Variants in ACSL3 observed in about 807,000 individuals in gnomAD.
ACSL3 encodes fatty acid CoA ligase Acsl3.
A neutral mutation model predicts 84.7 loss-of-function variants in ACSL3; 34 were observed. The observed-to-expected ratio is 0.40, with a 90% CI of 0.31 to 0.53. ACSL3 has a LOEUF of 0.53. ACSL3 is among the 20% of genes least tolerant of loss of function. The pLI is 0.48. For synonymous variants in ACSL3, 315 were observed against 299.4 expected (o/e 1.05, Z -0.54); for missense variants, 680 against 873.1 (o/e 0.78, Z 2.79).
chr2:222,933,526 A>G lies in ACSL3; in HGVS notation c.1847+246A>G, dbSNP rs77688784. On this transcript the variant is annotated intron_variant, in intron 15 of 16. Coordinates refer to ENST00000357430, the MANE Select transcript of ACSL3 (RefSeq NM_004457.5). The stretch of plus-strand genomic sequence containing the variant: ...TGCAGTGTCCCATGGAGGGAGGTGA[A>G]GAAAATAAAACCTTCCTTCCTGCTG... 0.014 allele frequency: 4,483 copies of G among 319,880 alleles called. 173 individuals are homozygous for G. Among genetic ancestry groups the G allele is most frequent in the African/African-American group, 0.083 (3,883 of 46,938 alleles). The allele number at this position is 319,880 out of a possible 1,614,324, so 19.8% of individuals were successfully genotyped here. A position where few individuals can be genotyped will look rare whatever the true frequency, so the allele number is the denominator to read the frequency against.
At chr2:222,915,530 G>A (rs1218326915) in intron 4 of ACSL3, among the ~76,000 whole-genome samples, 1 of 149,668 alleles carries the variant, frequency 6.7e-6, no homozygotes, top group African/African-American at 2.4e-5. Flanking sequence ...TTTTTATACA[G>A]TCCGTATGTA....
In ACSL3 at chr2:222,910,375, G is replaced by T. The variant is rs187604596; in HGVS notation, c.378+1225G>T. Among the ~76,000 whole-genome samples the T allele has an allele frequency of 2.0e-5, 3 of 152,266 alleles. No homozygotes were observed. In the East Asian group the frequency reaches 5.8e-4, roughly 29 times the overall value. Reference sequence around the variant, plus strand: ...GGTTGATAATTTGGTTAGGTAATAGGTTTAATATCTTTTAACCATTTCCAG... The same window carrying T: ...GGTTGATAATTTGGTTAGGTAATAGTTTTAATATCTTTTAACCATTTCCAG... On this transcript the variant is annotated intron_variant, in intron 4 of 16. Transcript: ENST00000357430.
chr2:222,866,473 T>G (rs1336711053), intron 1 of ACSL3, among the ~76,000 whole-genome samples: 1 of 152,134 alleles, frequency 6.6e-6, no homozygotes, highest in Non-Finnish European at 1.5e-5. Flanking sequence ...TCATTCTAAT[T>G]TTTACAGCTG....
chr2:222,929,960 T>C (rs1253984841), intron 13 of ACSL3, among the ~76,000 whole-genome samples: 1 of 142,220 alleles, frequency 7.0e-6, no homozygotes, highest in Non-Finnish European at 1.5e-5. Flanking sequence ...GGAGTTTTGC[T>C]CTTGTTGCCC....
rs1008891072 is a variant in ACSL3, at chr2:222,904,645, C to G, written c.-41+3865C>G. On this transcript the variant is annotated intron_variant, in intron 3 of 16. Transcript: ENST00000357430. ...AAGTTGTTTTTTTCTGTGGTTCATT[C>G]CCATGCCTGAGATTTGCAGTAATGT... The G allele has an allele frequency of 3.9e-5, 6 of 153,618 alleles. No individual in the cohort carries two copies. In the Admixed American group the frequency reaches 3.9e-4, roughly 10 times the overall value. 9.5% of individuals were successfully genotyped at this position (153,618 alleles called of 1,614,324 possible). A position where few individuals can be genotyped will look rare whatever the true frequency, so the allele number is the denominator to read the frequency against.
Position 222,921,382 on chromosome 2 carries a change from A to G in ACSL3, c.908A>G (p.Asn303Ser), listed in dbSNP as rs1696730417. The G allele has an allele frequency of 1.4e-5, 23 of 1,599,500 alleles. No individual in the cohort carries two copies. Among genetic ancestry groups the G allele is most frequent in the Non-Finnish European group, 2.0e-5 (23 of 1,167,914 alleles). ...AAGGGAGTCATGATCTCACATAGTAACATTATTGCTGGTATAACTGGGATG... is the reference window on the plus strand; with the variant it reads ...AAGGGAGTCATGATCTCACATAGTAGCATTATTGCTGGTATAACTGGGATG... ...LPKGVMISHS[N>S]IIAGITGMAE... Residue 303 changes from asparagine to serine, a missense_variant, in exon 8 of 17, where the codon AAC becomes AGC. Around this residue, in one of 2 missense-constraint regions of ACSL3, gnomAD observed 347 missense variants for 525.7 expected, o/e 0.66. Transcript: ENST00000357430.
intron 1 of ACSL3, among the ~76,000 whole-genome samples, chr2:222,872,738 C>T (rs371038202): frequency 3.9e-5 from 6 of 152,014 alleles, no homozygotes; most frequent in African/African-American, 1.4e-4. Flanking sequence ...AGAGGCTTCT[C>T]TGAGGAAGTG....
intron 6 of ACSL3, 145 bp from the exon 7 acceptor site, chr2:222,918,919 G>A: frequency 1.2e-6 from 1 of 864,184 alleles, no homozygotes. Flanking sequence ...TCTGTAAAAA[G>A]TGATATTATG....
intron 10 of ACSL3, 27 bp downstream of exon 10, chr2:222,923,176 G>C: frequency 1.3e-6 from 2 of 1,547,064 alleles, no homozygotes; most frequent in Non-Finnish European, 1.8e-6. Flanking sequence ...ATTTAATATT[G>C]AGTATTAAAG....
intron 4 of ACSL3, among the ~76,000 whole-genome samples, chr2:222,911,912 G>A (rs1696449352): frequency 6.6e-6 from 1 of 152,178 alleles, no homozygotes; most frequent in South Asian, 2.1e-4. Context: ...CTGTTTTTTA[G>A]CAACTTTTTC....
At position 222,916,272 on chromosome 2, in the gene ACSL3, AATT is replaced by A. The variant is rs777206706; in HGVS notation, c.379-40_379-38del. On this transcript the variant is annotated intron_variant, in intron 4 of 16. Coordinates refer to ENST00000357430, the MANE Select transcript of ACSL3 (RefSeq NM_004457.5). The stretch of plus-strand genomic sequence containing the variant: ...GGACGATATTCTGGTTTCTTCTGTA[AATT>A]ATTATTTTGATTACATTAAAAAAAT... The A allele has an allele frequency of 6.2e-5, 78 of 1,259,576 alleles. No individual in the cohort carries two copies. The African/African-American group carries it at 7.2e-4, about 12-fold the overall frequency. 78.0% of individuals were successfully genotyped at this position (1,259,576 alleles called of 1,614,324 possible).
At chr2:222,936,928 C>G (rs1299832312) in intron 16 of ACSL3, among the ~76,000 whole-genome samples, 1 of 152,062 alleles carries the variant, frequency 6.6e-6, no homozygotes, top group Non-Finnish European at 1.5e-5. Context: ...GTCTCACTCA[C>G]CATCACGAGA....
At chr2:222,914,667 C>T (rs1696529996) in intron 4 of ACSL3, among the ~76,000 whole-genome samples, 1 of 152,052 alleles carries the variant, frequency 6.6e-6, no homozygotes, top group Non-Finnish European at 1.5e-5. Context: ...TGTTGAGGTC[C>T]TAGATTTAAT....
At chr2:222,905,314 C>G (rs1696265273) in intron 3 of ACSL3, among the ~76,000 whole-genome samples, 1 of 152,034 alleles carries the variant, frequency 6.6e-6, no homozygotes, top group African/African-American at 2.4e-5. Context: ...GTGTGCACCA[C>G]CACACCCTGC....
At chr2:222,934,269 T>C (rs1308517621) in intron 15 of ACSL3, among the ~76,000 whole-genome samples, 1 of 152,240 alleles carries the variant, frequency 6.6e-6, no homozygotes, top group Non-Finnish European at 1.5e-5. Flanking sequence ...GCAGTATTCA[T>C]AACAGTTTTT....
In ACSL3 at chr2:222,941,858, A is replaced by G. The variant is rs1473253580; in HGVS notation, c.*204A>G. 5 of 508,584 alleles carry G rather than the reference A, an allele frequency of 9.8e-6. No homozygotes were observed. Among genetic ancestry groups the G allele is most frequent in the African/African-American group, 3.9e-5 (2 of 51,132 alleles). The allele number at this position is 508,584 out of a possible 1,614,324, so 31.5% of individuals were successfully genotyped here. A position where few individuals can be genotyped will look rare whatever the true frequency, so the allele number is the denominator to read the frequency against. On this transcript the variant is annotated 3_prime_UTR_variant, in exon 17 of 17. Transcript: ENST00000357430. ...TGTCTCTTCTTTCATTTTCCCCGCCACCAACTTACTTTACCACCTATGACT... is the reference window on the plus strand; with the variant it reads ...TGTCTCTTCTTTCATTTTCCCCGCCGCCAACTTACTTTACCACCTATGACT...
chr2:222,900,905 A>C (rs891401445), intron 3 of ACSL3, 125 bp downstream of exon 3: 4 of 152,212 alleles, frequency 2.6e-5, no homozygotes, highest in Non-Finnish European at 4.4e-5. Context: ...ATGCAAACTA[A>C]GTTCTTTTCA....
At position 222,919,095 on chromosome 2, in the gene ACSL3, A is replaced by G; in HGVS notation, c.698A>G (p.His233Arg). Reference sequence around the variant, plus strand: ...GTTTCTTTGGTCCCACGCCTGCGGCACATCATCACTGTTGATGGAAAGCCA... The same window carrying G: ...GTTTCTTTGGTCCCACGCCTGCGGCGCATCATCACTGTTGATGGAAAGCCA... Reference protein sequence around the residue: ...DIVSLVPRLRHIITVDGKPPT... With the variant: ...DIVSLVPRLRRIITVDGKPPT... Residue 233 changes from histidine to arginine, a missense_variant, in exon 7 of 17, where the codon CAC (histidine) becomes CGC (arginine). By Grantham distance (29) the His-to-Arg change is conservative (BLOSUM62 0). Around this residue, in one of 2 missense-constraint regions of ACSL3, gnomAD observed 333 missense variants for 347.5 expected, o/e 0.96. Transcript: ENST00000357430. The G allele has an allele frequency of 1.2e-6, 2 of 1,614,072 alleles. No individual in the cohort carries two copies. Among genetic ancestry groups the G allele is most frequent in the Non-Finnish European group, 1.7e-6 (2 of 1,179,962 alleles).
intron 1 of ACSL3, among the ~76,000 whole-genome samples, chr2:222,873,644 T>A (rs189024521): frequency 6.6e-6 from 1 of 152,216 alleles, no homozygotes; most frequent in East Asian, 1.9e-4. Flanking sequence ...AGTGGAAATA[T>A]ATTGTGTGTA....
Sources: gnomAD v4.1 joint callset for allele counts (sites outside exome capture counted in the v4.1 genomes callset) on GRCh38, gnomAD v4.1.1 for gene constraint, gnomAD v4.1.1 regional missense constraint, MANE v1.5 for transcripts, NCBI Gene and HGNC (gene_info 2026-07-23, HGNC 2026-07-21) for gene names.